Variants in KLHL10 observed in about 807,000 individuals in gnomAD.
KLHL10 encodes kelch-like protein 10.
In KLHL10, 11 loss-of-function variants were observed where a neutral mutation model predicts 46.6. That is an observed-to-expected ratio of 0.24 (90% CI 0.15 to 0.39). KLHL10 has a LOEUF of 0.39. KLHL10 is among the 10% of genes least tolerant of loss of function. The pLI, the probability that KLHL10 is intolerant of heterozygous loss-of-function variation, is 1.00. For synonymous variants in KLHL10, 254 were observed against 279.1 expected (o/e 0.91, Z 0.90); for missense variants, 475 against 789.8 (o/e 0.60, Z 4.78).
At chr17:41,835,908 A>C, upstream of KLHL10, 1 of 1,607,446 alleles carries the variant, frequency 6.2e-7, no homozygotes, top group Non-Finnish European at 8.5e-7. Context: ...GATCTCCTGC[A>C]CCCGCCCAGG....
intron 2 of KLHL10, among the ~76,000 whole-genome samples, chr17:41,842,961 T>C (rs2144130471): frequency 6.6e-6 from 1 of 151,006 alleles, no homozygotes; most frequent in South Asian, 2.1e-4. Flanking sequence ...AAAAAAATTA[T>C]AAAATTTAAA....
intron 2 of KLHL10, among the ~76,000 whole-genome samples, chr17:41,842,745 C>T (rs1336810954): frequency 1.3e-5 from 2 of 151,990 alleles, no homozygotes; most frequent in East Asian, 3.9e-4. Context: ...CGAGACCAGC[C>T]TGGCCAACAT....
In KLHL10 at chr17:41,848,276, A is replaced by G. The variant is rs2048310662; in HGVS notation, c.1796A>G (p.Tyr599Cys). Residue 599 changes from tyrosine (Y) to cysteine (C), a missense_variant, in exon 5 of 5, where the codon TAT becomes TGT. By Grantham distance (194) the Tyr-to-Cys change is radical. Coordinates refer to ENST00000293303, the MANE Select transcript of KLHL10 (RefSeq NM_152467.5). ...TTAGCACTGCGAGATGAAGTAAAAT[A>G]TTCTGCTTCGACAAGTACCCTACCT... is the stretch of plus-strand genomic sequence containing the variant. ...PGLALRDEVKYSASTSTLPV is the reference protein window; with the variant it reads ...PGLALRDEVKCSASTSTLPV 6.2e-7 allele frequency: 1 copy of G among 1,612,600 alleles called. No individual in the cohort carries two copies. The highest frequency in any genetic ancestry group is 1.7e-5 in the Admixed American group (1 of 60,008).
chr17:41,840,643 C>G (rs374291365), intron 1 of KLHL10, among the ~76,000 whole-genome samples: 1 of 137,466 alleles, frequency 7.3e-6, no homozygotes, highest in African/African-American at 2.7e-5. Flanking sequence ...GACTCCATCT[C>G]AAAAAAAAAA....
At chr17:41,842,394 G>C (rs2048235457) in intron 2 of KLHL10, 82 bp downstream of exon 2, 3 of 1,537,210 alleles carry the variant, frequency 2.0e-6, no homozygotes, top group Non-Finnish European at 2.7e-6. Context: ...TCCCAAGGCT[G>C]TATTTACATG....
chr17:41,846,427 C>T (rs1017059625), intron 3 of KLHL10, among the ~76,000 whole-genome samples: 4 of 151,072 alleles, frequency 2.6e-5, no homozygotes, highest in East Asian at 3.9e-4. Flanking sequence ...GAGGCTGAGG[C>T]GGAGAATCAC....
At chr17:41,836,196 C>G (rs1468756693), upstream of KLHL10, 15 of 1,249,562 alleles carry the variant, frequency 1.2e-5, no homozygotes, top group Middle Eastern at 2.7e-4. Flanking sequence ...TCTGCCATCC[C>G]GTTCGAGGCC....
chr17:41,842,583 G>A (rs917530457), intron 2 of KLHL10, among the ~76,000 whole-genome samples: 4 of 152,258 alleles, frequency 2.6e-5, no homozygotes, highest in East Asian at 1.9e-4. Flanking sequence ...TTGGGAGGCC[G>A]AGGTGGAGAA....
At chr17:41,839,275 C>CCA (rs2048203424) in intron 1 of KLHL10, among the ~76,000 whole-genome samples, 1 of 152,322 alleles carries the variant, frequency 6.6e-6, no homozygotes, top group East Asian at 1.9e-4. Flanking sequence ...CAGGCATGAG[C>CCA]CACTGCACCC....
At chr17:41,847,911 G>C in intron 4 of KLHL10, 22 bp from the exon 5 acceptor site, 1 of 1,613,464 alleles carries the variant, frequency 6.2e-7, no homozygotes, top group Non-Finnish European at 8.5e-7. Context: ...GCAGTCAACC[G>C]TGTTTCTTTT....
At chr17:41,845,092 G>T in intron 2 of KLHL10, 34 bp from the exon 3 acceptor site, 1 of 1,614,042 alleles carries the variant, frequency 6.2e-7, no homozygotes, top group Non-Finnish European at 8.5e-7. Context: ...GCACTCTCAC[G>T]TCACCTGAAT....
Position 41,847,366 on chromosome 17 carries a change from A to G in KLHL10, c.1408A>G (p.Arg470Gly). Residue 470 changes from arginine (R) to glycine (G), a missense_variant, in exon 4 of 5, where the codon AGG (arginine) becomes GGG (glycine). Transcript: ENST00000293303. ...WTVIAPMRSR[R>G]SGIGVIAYGE... ...AGTCATAGCACCCATGAGAAGCAGGAGGAGTGGAATAGGCGTGATTGCTTA... is the reference window on the plus strand; with the variant it reads ...AGTCATAGCACCCATGAGAAGCAGGGGGAGTGGAATAGGCGTGATTGCTTA... 6.2e-7 allele frequency: 1 copy of G among 1,614,148 alleles called. No individual in the cohort carries two copies. The highest frequency in any genetic ancestry group is 1.7e-5 in the Admixed American group (1 of 60,002).
At chr17:41,839,201 A>G (rs4372739) in intron 1 of KLHL10, among the ~76,000 whole-genome samples, 115,370 of 152,092 alleles carry the variant, frequency 0.76, 44,032 homozygotes, top group Admixed American at 0.85. Flanking sequence ...CATGTTGGTC[A>G]GTCTGGTCTC....
At chr17:41,845,925 T>C in intron 3 of KLHL10, 182 bp downstream of exon 3, 1 of 857,610 alleles carries the variant, frequency 1.2e-6, no homozygotes, top group Non-Finnish European at 1.8e-6. Context: ...TGAAAAGTAA[T>C]GCAAAGCCGG....
rs1488816641 is a variant in KLHL10, at chr17:41,843,483, G to A, written c.684+1171G>A. On this transcript the variant is annotated intron_variant, in intron 2 of 4. Coordinates refer to ENST00000293303, the MANE Select transcript of KLHL10 (RefSeq NM_152467.5). The stretch of plus-strand genomic sequence containing the variant: ...TCGCACCATTGCACTCCAGCTGGGC[G>A]ACAGAGAGAGACTTGGTCTCAAATT... Among the ~76,000 whole-genome samples, 5 of 148,584 alleles carry A rather than the reference G, an allele frequency of 3.4e-5. No homozygotes were observed. In the South Asian group the frequency reaches 6.4e-4, roughly 19 times the overall value.
chr17:41,840,481 C>T (rs2048215566), intron 1 of KLHL10, among the ~76,000 whole-genome samples: 1 of 151,642 alleles, frequency 6.6e-6, no homozygotes, highest in African/African-American at 2.4e-5. Context: ...TACAAAAAAC[C>T]GGGCATAAAT....
At chr17:41,838,759 G>A (rs2048196907) in intron 1 of KLHL10, among the ~76,000 whole-genome samples, 1 of 151,242 alleles carries the variant, frequency 6.6e-6, no homozygotes, top group South Asian at 2.1e-4. Flanking sequence ...CGCCATCTCG[G>A]CTCACTGCAA....
chr17:41,845,905 T>C, intron 3 of KLHL10, 162 bp downstream of exon 3: 2 of 946,466 alleles, frequency 2.1e-6, no homozygotes, highest in Non-Finnish European at 3.2e-6. Context: ...CTGTCTTTTA[T>C]GTTGTTTATT....
chr17:41,838,210 ATCACCTTAAC>A (rs2048188987), intron 1 of KLHL10, 84 bp downstream of exon 1: 1 of 1,224,724 alleles, frequency 8.2e-7, no homozygotes, highest in African/African-American at 1.5e-5. Context: ...TTCCCACCCC[ATCACCTTAAC>A]TTTAGGGACA....
Sources: allele counts gnomAD v4.1 joint callset (sites outside exome capture counted in the v4.1 genomes callset), GRCh38; gene constraint gnomAD v4.1.1; transcripts MANE v1.5; gene names NCBI Gene and HGNC (gene_info 2026-07-23, HGNC 2026-07-21).